Variants in BBC3 observed in about 807,000 individuals in gnomAD.
BBC3 encodes the protein BCL2 binding component 3, also known as bcl-2-binding component 3.
BBC3 carries 5 observed loss-of-function variants against 18.2 expected under a neutral mutation model. The observed-to-expected ratio is 0.27, with a 90% CI of 0.14 to 0.58. BBC3 has a LOEUF of 0.58. BBC3 is among the 20% of genes least tolerant of loss of function. The pLI is 0.91. For missense variants in BBC3, 224 were observed against 268.9 expected, an observed-to-expected ratio of 0.83 and a Z score of 1.17; for synonymous variants, 119 against 128.0, an observed-to-expected ratio of 0.93 and a Z score of 0.47.
chr19:47,230,705 G>T lies in BBC3; in HGVS notation c.-16+224C>A, dbSNP rs981032095. ...CACCCCATTGTTTGTAAACAAACCCGCCAGACCGCCGAGGCACCTGTGCGC... is the reference window on the plus strand; with the variant it reads ...CACCCCATTGTTTGTAAACAAACCCTCCAGACCGCCGAGGCACCTGTGCGC... On this transcript the variant is annotated intron_variant, in intron 1 of 3. Coordinates refer to ENST00000439096, the MANE Select transcript of BBC3 (RefSeq NM_014417.5). This position sits in a 1 kb window ranked among gnomAD's most constrained non-coding sequence, Gnocchi z 6.7. 5 of 984,050 alleles carry T rather than the reference G, an allele frequency of 5.1e-6. No individual in the cohort carries two copies. Among genetic ancestry groups the T allele is most frequent in the Non-Finnish European group, 6.0e-6 (5 of 828,874 alleles). The allele number at this position is 984,050 out of a possible 1,614,324, so 61.0% of individuals were successfully genotyped here. A position where few individuals can be genotyped will look rare whatever the true frequency, so the allele number is the denominator to read the frequency against.
In BBC3 at chr19:47,230,280, G is replaced by C. The variant is rs2058893743; in HGVS notation, c.-16+649C>G. Among the ~76,000 whole-genome samples, 1 of 152,008 alleles carries C rather than the reference G, an allele frequency of 6.6e-6. No homozygotes were observed. The highest frequency in any genetic ancestry group is 1.5e-5 in the Non-Finnish European group (1 of 68,000). ...TGGATCGACACCACCACTCCCTGCA[G>C]AACCCAGCACAAACTCGGAGCCAGA... On this transcript the variant is annotated intron_variant, in intron 1 of 3. Transcript: ENST00000439096. This position sits in a 1 kb window ranked among gnomAD's most constrained non-coding sequence, Gnocchi z 6.7.
At chr19:47,232,441 TCA>T, upstream of BBC3, 1 of 1,354,048 alleles carries the variant, frequency 7.4e-7, no homozygotes, top group Non-Finnish European at 1.0e-6. Flanking sequence ...TGTCACAAAG[TCA>T]CACCTGTGAC....
upstream of BBC3, among the ~76,000 whole-genome samples, chr19:47,232,080 GGTGGCT>G (rs1437457710): frequency 6.6e-6 from 1 of 152,170 alleles, no homozygotes; most frequent in African/African-American, 2.4e-5. Flanking sequence ...CGCCCGACAC[GGTGGCT>G]CATGCCTGTA....
Position 47,221,707 on chromosome 19 carries a change from G to A in BBC3, c.*95C>T, listed in dbSNP as rs1259185140. The A allele has an allele frequency of 6.3e-7, 1 of 1,584,828 alleles. No individual in the cohort carries two copies. On this transcript the variant is annotated 3_prime_UTR_variant, in exon 4 of 4. Coordinates refer to ENST00000439096, the MANE Select transcript of BBC3 (RefSeq NM_014417.5). ...GGGCTGGGAGTCCAGTATGCTACAT[G>A]GTGCAGAGAAAGTCCCCCGCGCTGG...
chr19:47,223,035 C>G (rs567030325), intron 3 of BBC3, among the ~76,000 whole-genome samples: 2 of 151,038 alleles, frequency 1.3e-5, no homozygotes, highest in Non-Finnish European at 2.9e-5. Flanking sequence ...CCTTGGGAGG[C>G]CGAGGCGGGC....
At chr19:47,225,102 G>C (rs1056564505) in intron 3 of BBC3, among the ~76,000 whole-genome samples, 2 of 151,936 alleles carry the variant, frequency 1.3e-5, no homozygotes, top group African/African-American at 4.8e-5. Flanking sequence ...GTAGAGACGG[G>C]GTTTGTTCAT....
Sources: gnomAD v4.1 joint callset for allele counts (sites outside exome capture counted in the v4.1 genomes callset) on GRCh38, gnomAD v4.1.1 for gene constraint, Gnocchi (gnomAD v3.1) non-coding constraint, MANE v1.5 for transcripts, NCBI Gene and HGNC (gene_info 2026-07-23, HGNC 2026-07-21) for gene names.